FYB1: variants seen among roughly 807,000 people sequenced by gnomAD.
The protein encoded by FYB1 is FYN binding protein 1, also known as FYN-binding protein 1.
FYB1 carries 41 observed loss-of-function variants against 94.1 expected under a neutral mutation model. The ratio of observed to expected loss-of-function variants is 0.44; its 90% CI spans 0.34 to 0.57. The LOEUF (loss-of-function observed/expected upper bound fraction) is 0.57. Ranked by LOEUF, FYB1 falls within the 20% of genes least tolerant of loss-of-function variation. FYB1 has a pLI of 0.02. For missense variants in FYB1, 1,050 were observed against 976.8 expected (o/e 1.07, Z -1.00); for synonymous variants, 367 against 353.2 (o/e 1.04, Z -0.44).
chr5:39,257,523 A>G (rs183224309), intron 1 of FYB1, among the ~76,000 whole-genome samples: 1 of 152,088 alleles, frequency 6.6e-6, no homozygotes, highest in East Asian at 1.9e-4. Context: ...ACATAAACCC[A>G]TGCAACTCTT....
intron 7 of FYB1, 62 bp downstream of exon 7, chr5:39,137,538 C>A: frequency 6.7e-7 from 1 of 1,498,410 alleles, no homozygotes; most frequent in Non-Finnish European, 8.9e-7. Context: ...GAATGGTACC[C>A]CTTTTGTGTG....
At chr5:39,248,648 C>T (rs954586096) in intron 1 of FYB1, among the ~76,000 whole-genome samples, 1 of 152,100 alleles carries the variant, frequency 6.6e-6, no homozygotes, top group Admixed American at 6.5e-5. Flanking sequence ...ACCAGCCTGG[C>T]CAACATGGCG....
chr5:39,166,860 A>C (rs986981897), intron 2 of FYB1, among the ~76,000 whole-genome samples: 3 of 152,150 alleles, frequency 2.0e-5, no homozygotes, highest in African/African-American at 7.2e-5. Flanking sequence ...TACAATGTAC[A>C]CTATTCTGGT....
At chr5:39,252,183 GAAATA>G (rs1313132033) in intron 1 of FYB1, among the ~76,000 whole-genome samples, 14 of 151,754 alleles carry the variant, frequency 9.2e-5, no homozygotes, top group South Asian at 2.1e-4. Flanking sequence ...AAAAAATAAA[GAAATA>G]AAATAAAATA....
chr5:39,150,014 T>C (rs1041582981), intron 3 of FYB1, among the ~76,000 whole-genome samples: 6 of 152,122 alleles, frequency 3.9e-5, no homozygotes, highest in African/African-American at 1.4e-4. Flanking sequence ...AAACTTAACA[T>C]AGCCATGACC....
intron 11 of FYB1, 45 bp from the exon 12 acceptor site, chr5:39,126,180 A>C: frequency 6.3e-7 from 1 of 1,594,266 alleles, no homozygotes; most frequent in Non-Finnish European, 8.5e-7. Flanking sequence ...AATCAGCGGC[A>C]AGTGAAGACA....
At chr5:39,165,365 A>G (rs1482071963) in intron 2 of FYB1, among the ~76,000 whole-genome samples, 1 of 152,220 alleles carries the variant, frequency 6.6e-6, no homozygotes, top group Non-Finnish European at 1.5e-5. Context: ...TCTTTGACAA[A>G]GTCGACAAAA....
Position 39,202,275 on chromosome 5 carries a change from A to T in FYB1, c.686T>A (p.Leu229Gln). 1 of 1,613,848 alleles carries T rather than the reference A, an allele frequency of 6.2e-7. No homozygotes were observed. Among genetic ancestry groups the T allele is most frequent in the East Asian group, 2.2e-5 (1 of 44,866 alleles). ...VSSSKGSPAP[L>Q]GVRSKSGPLK... is the part of the protein sequence containing the mutation. ...AGGGCCGCTTTTGGACCTGACTCCCAGGGGAGCTGGGGACCCTTTTGATGA... is the reference window on the plus strand; with the variant it reads ...AGGGCCGCTTTTGGACCTGACTCCCTGGGGAGCTGGGGACCCTTTTGATGA... The change falls in exon 2 of 19, where the codon CTG (leucine) becomes CAG (glutamine). Residue 229 changes from leucine (L) to glutamine (Q), a missense_variant. Coordinates refer to ENST00000512982, the MANE Select transcript of FYB1 (RefSeq NM_001465.6).
At chr5:39,141,062 A>C in intron 4 of FYB1, 33 bp downstream of exon 4, 2 of 1,469,642 alleles carry the variant, frequency 1.4e-6, no homozygotes, top group Admixed American at 2.0e-5. Context: ...TGAGTTTACA[A>C]ATAAATAAAT....
rs762465052 is a variant in FYB1, at chr5:39,202,286, G to T, written c.675C>A (p.Ser225=). The T allele has an allele frequency of 3.1e-6, 5 of 1,613,696 alleles. No individual in the cohort carries two copies. Among genetic ancestry groups the T allele is most frequent in the Non-Finnish European group, 3.4e-6 (4 of 1,179,856 alleles). ...TGGACCTGACTCCCAGGGGAGCTGG[G>T]GACCCTTTTGATGAAGACACATTCT... ...PMKNVSSSKG[S]PAPLGVRSKS... is the part of the protein sequence containing the mutation. The change falls in exon 2 of 19, where the codon TCC becomes TCA. Residue 225 remains serine, a synonymous_variant. Transcript: ENST00000512982.
In FYB1 at chr5:39,253,470, T is replaced by A. The variant is rs183292140; in HGVS notation, c.-28+20933A>T. On this transcript the variant is annotated intron_variant, in intron 1 of 1. Transcript: ENST00000510188. ...AAATGACAACAACAAAATCTTTTTTTTAAAAAAAATATTTTAGGTTCAGGG... is the reference window on the plus strand; with the variant it reads ...AAATGACAACAACAAAATCTTTTTTATAAAAAAAATATTTTAGGTTCAGGG... Among the ~76,000 whole-genome samples, 1,234 of 151,968 alleles carry A rather than the reference T, an allele frequency of 8.1e-3. 24 individuals are homozygous for A. The highest frequency in any genetic ancestry group is 0.027 in the African/African-American group (1,129 of 41,424).
intron 7 of FYB1, among the ~76,000 whole-genome samples, chr5:39,137,234 T>A (rs1249685306): frequency 6.6e-6 from 1 of 152,172 alleles, no homozygotes; most frequent in African/African-American, 2.4e-5. Context: ...TGCCCCCCTA[T>A]AATACATACC....
intron 1 of FYB1, among the ~76,000 whole-genome samples, chr5:39,241,106 G>A (rs769111167): frequency 1.8e-4 from 28 of 152,130 alleles, no homozygotes; most frequent in Admixed American, 5.2e-4. Flanking sequence ...TTCTATGTGG[G>A]AGCTCAACAT....
upstream of FYB1, among the ~76,000 whole-genome samples, chr5:39,222,885 C>A (rs990897050): frequency 2.0e-5 from 3 of 152,026 alleles, no homozygotes; most frequent in Non-Finnish European, 2.9e-5. Flanking sequence ...TGATTCTCCC[C>A]TTGTCACTCT....
Position 39,264,605 on chromosome 5 carries a change from T to A in FYB1, c.-28+9798A>T, listed in dbSNP as rs150028652. Among the ~76,000 whole-genome samples the A allele has an allele frequency of 3.7e-3, 571 of 152,270 alleles. 5 individuals carry two copies. Among genetic ancestry groups the A allele is most frequent in the Middle Eastern group, 0.01 (3 of 294 alleles). On this transcript the variant is annotated intron_variant, in intron 1 of 1. Coordinates refer to the FYB1 transcript ENST00000510188. ...TCCAAGCTCTCTCCTGCCTCACCTC[T>A]TTTGCACCTGCCACTTCCTCAGCTT...
rs1561301849 is a variant in FYB1 at position 39,242,075 on chromosome 5, C to T, written c.-28+32328G>A. Among the ~76,000 whole-genome samples the T allele has an allele frequency of 1.3e-5, 2 of 151,866 alleles. 1 individual carries two copies. Among genetic ancestry groups the T allele is most frequent in the South Asian group, 4.1e-4 (2 of 4,828 alleles). On this transcript the variant is annotated intron_variant, in intron 1 of 1. Coordinates refer to the FYB1 transcript ENST00000510188. ...TGTTAAATCACTATTTTTTTTCCCT[C>T]TCAGTTGAAACAAAGCCAACTTTTA...
chr5:39,266,445 C>G (rs1389584935), intron 1 of FYB1, among the ~76,000 whole-genome samples: 2 of 152,204 alleles, frequency 1.3e-5, no homozygotes, highest in African/African-American at 4.8e-5. Context: ...ATCTAAATAT[C>G]TAATGTATCT....
intron 1 of FYB1, among the ~76,000 whole-genome samples, chr5:39,212,263 G>A (rs964876426): frequency 4.6e-5 from 7 of 152,056 alleles, no homozygotes; most frequent in Admixed American, 1.3e-4. Flanking sequence ...AGCCATGAAT[G>A]CACCACTGTA....
chr5:39,154,504 C>T (rs1580406432), intron 2 of FYB1, among the ~76,000 whole-genome samples: 1 of 141,406 alleles, frequency 7.1e-6, no homozygotes. Flanking sequence ...AACCATTTTC[C>T]TTTTTTTTTT....
Sources: gnomAD v4.1 joint callset for allele counts (sites outside exome capture counted in the v4.1 genomes callset) on GRCh38, gnomAD v4.1.1 for gene constraint, MANE v1.5 for transcripts, NCBI Gene and HGNC (gene_info 2026-07-23, HGNC 2026-07-21) for gene names.